Variants in MAP3K21 observed in about 807,000 individuals in gnomAD.
The protein encoded by MAP3K21 is mitogen-activated protein kinase kinase kinase 21, also known as mitogen-activated protein kinase kinase kinase MLK4.
MAP3K21 carries 63 observed loss-of-function variants against 86.1 expected under a neutral mutation model. That is an observed-to-expected ratio of 0.73 (90% CI 0.60 to 0.90). MAP3K21 has a LOEUF of 0.90. MAP3K21 is among the 40% of genes least tolerant of loss of function. The pLI is 0.00. For synonymous variants in MAP3K21, 558 were observed against 564.8 expected, an observed-to-expected ratio of 0.99 and a Z score of 0.17; for missense variants, 1,220 against 1,367.7, an observed-to-expected ratio of 0.89 and a Z score of 1.70.
chr1:233,344,855 A>G (rs1482441174), intron 1 of MAP3K21, among the ~76,000 whole-genome samples: 1 of 152,226 alleles, frequency 6.6e-6, no homozygotes, highest in Admixed American at 6.5e-5. Flanking sequence ...TAATATCCAG[A>G]GTCTACAAAG....
At chr1:233,339,267 C>CTTCTTCTTCTT (rs1162305447) in intron 1 of MAP3K21, among the ~76,000 whole-genome samples, 5 of 25,180 alleles carry the variant, frequency 2.0e-4, no homozygotes, top group Non-Finnish European at 3.2e-4. Context: ...TCTTCTTCTT[C>CTTCTTCTTCTT]CTCTTCTTCT....
intron 9 of MAP3K21, among the ~76,000 whole-genome samples, chr1:233,382,087 G>A (rs150483218): frequency 6.6e-6 from 1 of 152,322 alleles, no homozygotes; most frequent in East Asian, 1.9e-4. Flanking sequence ...TGTGGTCCCA[G>A]CTACTCTAGA....
At chr1:233,339,324 CT>C (rs1558451043) in intron 1 of MAP3K21, among the ~76,000 whole-genome samples, 8 of 143,704 alleles carry the variant, frequency 5.6e-5, no homozygotes, top group East Asian at 2.1e-4. Context: ...TCCTCTTCTT[CT>C]TCTTCCTCTT....
chr1:233,380,749 G>A (rs1294244), intron 9 of MAP3K21, among the ~76,000 whole-genome samples: 15,220 of 152,150 alleles, frequency 0.1, 1,311 homozygotes, highest in African/African-American at 0.23. Flanking sequence ...AGTTTTTATG[G>A]CAACTCTATT....
intron 2 of MAP3K21, among the ~76,000 whole-genome samples, chr1:233,351,216 A>G (rs956617354): frequency 6.6e-6 from 1 of 152,200 alleles, no homozygotes; most frequent in Non-Finnish European, 1.5e-5. Context: ...AAATTATCAA[A>G]AGGAAACACA....
At chr1:233,364,042 A>C (rs1019431143) in intron 5 of MAP3K21, among the ~76,000 whole-genome samples, 1 of 151,996 alleles carries the variant, frequency 6.6e-6, no homozygotes, top group African/African-American at 2.4e-5. Context: ...AAGAAAGAAA[A>C]GTGCTAGTAT....
intron 1 of MAP3K21, among the ~76,000 whole-genome samples, chr1:233,339,258 C>CTTCTTCTTCTTCTTCTTCTTCTTG (rs1662976053): frequency 2.1e-5 from 1 of 47,294 alleles, no homozygotes; most frequent in Non-Finnish European, 4.1e-5. Context: ...TCTTCTTCTT[C>CTTCTTCTTCTTCTTCTTCTTCTTG]TTCTTCTTCC....
chr1:233,336,620 T>C (rs772767477), intron 1 of MAP3K21, among the ~76,000 whole-genome samples: 4 of 152,214 alleles, frequency 2.6e-5, no homozygotes, highest in Non-Finnish European at 5.9e-5. Flanking sequence ...ATTTCACTTA[T>C]AATCCCACTG....
At chr1:233,339,446 CCTCCTCCTTCTCCTCCTCCTTCTCCTT>C (rs796938723) in intron 1 of MAP3K21, among the ~76,000 whole-genome samples, 13 of 113,756 alleles carry the variant, frequency 1.1e-4, no homozygotes, top group Admixed American at 8.5e-4. Context: ...TCCTCCTTCT[CCTCCTCCTTCTCCTCCTCCTTCTCCTT>C]CTTCTTCTTC....
rs553371295 is a variant in MAP3K21, at chr1:233,382,320, T to C, written c.2720T>C (p.Ile907Thr). Residue 907 changes from isoleucine (I) to threonine (T), a missense_variant, in exon 10 of 10, where the codon ATC (isoleucine) becomes ACC (threonine). Transcript: ENST00000366624. ...GNPTPTGATI[I>T]SATGASALPL... ...TCTCAACCAGCTGGTGCAACTATTATCTCAGCCACTGGAGCCTCTGCACTG... is the reference window on the plus strand; with the variant it reads ...TCTCAACCAGCTGGTGCAACTATTACCTCAGCCACTGGAGCCTCTGCACTG... 6.2e-7 allele frequency: 1 copy of C among 1,612,762 alleles called. No individual in the cohort carries two copies. The highest frequency in any genetic ancestry group is 1.1e-5 in the South Asian group (1 of 90,986).
At chr1:233,347,570 A>G (rs6664661) in intron 2 of MAP3K21, among the ~76,000 whole-genome samples, 1,569 of 152,312 alleles carry the variant, frequency 0.01, 25 homozygotes, top group African/African-American at 0.035. Context: ...GAGTGGAATC[A>G]CGTCCTTTGC....
chr1:233,375,068 A>G (rs56967646), intron 6 of MAP3K21, among the ~76,000 whole-genome samples: 10,663 of 151,678 alleles, frequency 0.07, 1,292 homozygotes, highest in African/African-American at 0.24. Flanking sequence ...CAGCCTCCTG[A>G]GTAGCTGGGA....
At position 233,382,640 on chromosome 1, in the gene MAP3K21, C is replaced by A; in HGVS notation, c.3040C>A (p.Pro1014Thr). 1 of 1,614,096 alleles carries A rather than the reference C, an allele frequency of 6.2e-7. No individual in the cohort carries two copies. Among genetic ancestry groups the A allele is most frequent in the Non-Finnish European group, 8.5e-7 (1 of 1,179,956 alleles). Residue 1014 changes from proline (P) to threonine (T), a missense_variant, in exon 10 of 10, where the codon CCA becomes ACA. Pro to Thr is a conservative substitution (Grantham distance 38). Around this residue, in one of 5 missense-constraint regions of MAP3K21, gnomAD observed 632 missense variants for 691.3 expected, o/e 0.91. Coordinates refer to ENST00000366624, the MANE Select transcript of MAP3K21 (RefSeq NM_032435.3). ...AGGTCAGAGCAGGGACTACACTGTG[C>A]CACTGTGCAGAATGAGGAGCAAAAC... ...VEGQSRDYTV[P>T]LCRMRSKTSR... is the part of the protein sequence containing the mutation.
rs1415749084 is a variant in MAP3K21, at chr1:233,328,298, C to T, written c.270C>T (p.Gly90=). ...CAGGCCAGGTGCAGCGGCGCCTCGG[C>T]ATCTTCCCCGCCAACTACGTGGCTC... The part of the protein sequence containing the change: ...WWAGQVQRRL[G]IFPANYVAPC... The change falls in exon 1 of 10, where the codon GGC becomes GGT. Residue 90 remains glycine (G), a synonymous_variant. Transcript: ENST00000366624. This position sits in a 1 kb window ranked among gnomAD's most constrained non-coding sequence, Gnocchi z 8.7. 1.8e-5 allele frequency: 27 copies of T among 1,486,180 alleles called. 1 individual carries two copies. The East Asian group carries it at 7.5e-4, about 41-fold the overall frequency. The allele number at this position is 1,486,180 out of a possible 1,614,324, so 92.1% of individuals were successfully genotyped here.
intron 9 of MAP3K21, among the ~76,000 whole-genome samples, chr1:233,381,973 A>C (rs1663924313): frequency 6.6e-6 from 1 of 152,218 alleles, no homozygotes; most frequent in South Asian, 2.1e-4. Context: ...TATTGGCCTA[A>C]GCACTGTGAG....
At chr1:233,334,107 C>T (rs537725022) in intron 1 of MAP3K21, among the ~76,000 whole-genome samples, 15 of 151,380 alleles carry the variant, frequency 9.9e-5, no homozygotes, top group South Asian at 4.2e-4. Context: ...CCTCGTGATC[C>T]GTCCGCCTCG....
At chr1:233,341,551 G>A (rs1325874380) in intron 1 of MAP3K21, among the ~76,000 whole-genome samples, 1 of 152,168 alleles carries the variant, frequency 6.6e-6, no homozygotes, top group Non-Finnish European at 1.5e-5. Context: ...GGGAATGGGG[G>A]CTGGTGTTCT....
In MAP3K21 at chr1:233,382,302, C is replaced by G. The variant is rs1663932350; in HGVS notation, c.2705-3C>G. On this transcript the variant is annotated splice_polypyrimidine_tract_variant and splice_region_variant and intron_variant, in intron 9 of 9. Transcript: ENST00000366624. Reference sequence around the variant, plus strand: ...TGCATACTGTTTTGGCTTTCTCAACCAGCTGGTGCAACTATTATCTCAGCC... The same window carrying G: ...TGCATACTGTTTTGGCTTTCTCAACGAGCTGGTGCAACTATTATCTCAGCC... The G allele has an allele frequency of 6.2e-7, 1 of 1,605,128 alleles. No individual in the cohort carries two copies. Among genetic ancestry groups the G allele is most frequent in the Non-Finnish European group, 8.5e-7 (1 of 1,173,272 alleles).
At chr1:233,343,009 A>G (rs922390099) in intron 1 of MAP3K21, among the ~76,000 whole-genome samples, 16 of 152,126 alleles carry the variant, frequency 1.1e-4, no homozygotes, top group African/African-American at 3.9e-4. Context: ...AAAAGTTGTA[A>G]CCCAACAGTA....
Sources: gnomAD v4.1 joint callset for allele counts (sites outside exome capture counted in the v4.1 genomes callset) on GRCh38, gnomAD v4.1.1 for gene constraint, gnomAD v4.1.1 regional missense constraint, Gnocchi (gnomAD v3.1) non-coding constraint, MANE v1.5 for transcripts, NCBI Gene and HGNC (gene_info 2026-07-23, HGNC 2026-07-21) for gene names.